NTM: variants seen among roughly 807,000 people sequenced by gnomAD.
The protein encoded by NTM is neurotrimin.
A neutral mutation model predicts 42.1 loss-of-function variants in NTM; 13 were observed. That is an observed-to-expected ratio of 0.31 (90% CI 0.20 to 0.49). NTM has a LOEUF of 0.49. NTM is among the 20% of genes least tolerant of loss of function. The pLI is 0.99. For missense variants in NTM, 373 were observed against 452.8 expected (o/e 0.82, Z 1.60); for synonymous variants, 187 against 179.2 (o/e 1.04, Z -0.35).
At chr11:131,501,974 C>G (rs1239846104) in intron 1 of NTM, among the ~76,000 whole-genome samples, 1 of 152,040 alleles carries the variant, frequency 6.6e-6, no homozygotes, top group Non-Finnish European at 1.5e-5. Flanking sequence ...GTTAGACTTC[C>G]AACAGAGATG....
intron 2 of NTM, among the ~76,000 whole-genome samples, chr11:132,088,515 A>C (rs1260430072): frequency 6.6e-6 from 1 of 152,110 alleles, no homozygotes; most frequent in Non-Finnish European, 1.5e-5. Flanking sequence ...AGCTGTCAAC[A>C]AAAAAAGGGG....
At chr11:131,662,037 C>CT (rs2068167430) in intron 1 of NTM, 1 of 152,178 alleles carries the variant, frequency 6.6e-6, no homozygotes, top group Non-Finnish European at 1.5e-5. Context: ...AACTTCAACA[C>CT]TATGTCTAAG....
chr11:132,335,449 T>G lies in NTM; in HGVS notation c.*303T>G, dbSNP rs190395491. ...TGCAAGCTGCATCGTGCAACCTCTT[T>G]GGTGCCAGTGTGGGCAAGGGCTCAG... On this transcript the variant is annotated 3_prime_UTR_variant, in exon 9 of 9. Coordinates refer to ENST00000683400, the MANE Select transcript of NTM (RefSeq NM_001352005.2). 4 of 326,242 alleles carry G rather than the reference T, an allele frequency of 1.2e-5. No individual in the cohort carries two copies. Among genetic ancestry groups the G allele is most frequent in the Non-Finnish European group, 2.3e-5 (4 of 172,708 alleles). The allele number at this position is 326,242 out of a possible 1,614,324, so 20.2% of individuals were successfully genotyped here. A position where few individuals can be genotyped will look rare whatever the true frequency, so the allele number is the denominator to read the frequency against.
At position 131,432,839 on chromosome 11, in the gene NTM, C is replaced by CTTTT. The variant is rs377739708; in HGVS notation, c.82+61980_82+61983dup. On this transcript the variant is annotated intron_variant, in intron 1 of 8. Coordinates refer to ENST00000683400, the MANE Select transcript of NTM (RefSeq NM_001352005.2). ...CTACAAAAGATGAAGATTTAGCATTCTTTTTTTTTTTTTTTTTTTTTTTTT... is the reference window on the plus strand; with the variant it reads ...CTACAAAAGATGAAGATTTAGCATTCTTTTTTTTTTTTTTTTTTTTTTTTTTTTT... Among the ~76,000 whole-genome samples, 158 of 68,704 alleles carry CTTTT rather than the reference C, an allele frequency of 2.3e-3. 7 individuals are homozygous for CTTTT. Among genetic ancestry groups the CTTTT allele is most frequent in the Non-Finnish European group, 2.8e-3 (108 of 38,818 alleles). The allele number at this position is 68,704 out of a possible 152,430, so 45.1% of individuals were successfully genotyped here. A position where few individuals can be genotyped will look rare whatever the true frequency, so the allele number is the denominator to read the frequency against.
Position 131,757,835 on chromosome 11 carries a change from A to C in NTM, c.83-153729A>C, listed in dbSNP as rs1485503826. On this transcript the variant is annotated intron_variant, in intron 1 of 8. Transcript: ENST00000683400. ...GGGATGAAGATTAGTAAAATGTGCC[A>C]GAATTGAGGAAAGAAACCCACCCCA... Among the ~76,000 whole-genome samples, 4 of 152,246 alleles carry C rather than the reference A, an allele frequency of 2.6e-5. 1 individual carries two copies. Among genetic ancestry groups the C allele is most frequent in the Admixed American group, 2.6e-4 (4 of 15,284 alleles).
At chr11:132,094,205 T>G (rs528611947) in intron 2 of NTM, among the ~76,000 whole-genome samples, 1 of 152,332 alleles carries the variant, frequency 6.6e-6, no homozygotes, top group Non-Finnish European at 1.5e-5. Context: ...TAGGCTGAAC[T>G]TAAAATATAT....
chr11:132,154,648 C>T (rs966845674), intron 3 of NTM, among the ~76,000 whole-genome samples: 2 of 152,116 alleles, frequency 1.3e-5, no homozygotes, highest in Admixed American at 1.3e-4. Flanking sequence ...AGAAGCAGTC[C>T]CCAGCCCTCA....
intron 1 of NTM, among the ~76,000 whole-genome samples, chr11:131,418,845 C>G (rs1947216321): frequency 6.6e-6 from 1 of 152,294 alleles, no homozygotes; most frequent in African/African-American, 2.4e-5. Flanking sequence ...TATGCAAAGT[C>G]TCAGAGCCAG....
intron 1 of NTM, among the ~76,000 whole-genome samples, chr11:131,428,206 A>G (rs1036945882): frequency 6.6e-6 from 1 of 152,106 alleles, no homozygotes; most frequent in African/African-American, 2.4e-5. Flanking sequence ...CATCTCAACC[A>G]CCTGGCGGCC....
Position 132,138,563 on chromosome 11 carries a change from A to AATCT in NTM, c.168-7664_168-7661dup, listed in dbSNP as rs6144568. Among the ~76,000 whole-genome samples, 430 of 127,166 alleles carry AATCT rather than the reference A, an allele frequency of 3.4e-3. 3 individuals are homozygous for AATCT. Among genetic ancestry groups the AATCT allele is most frequent in the East Asian group, 7.1e-3 (31 of 4,378 alleles). The allele number at this position is 127,166 out of a possible 152,430, so 83.4% of individuals were successfully genotyped here. A position where few individuals can be genotyped will look rare whatever the true frequency, so the allele number is the denominator to read the frequency against. ...TAGTCTGGGTTTTCCTTTTCAACAG[A>AATCT]ATCTATCTATCTATCTATCTATCTA... On this transcript the variant is annotated intron_variant, in intron 2 of 8. Coordinates refer to ENST00000683400, the MANE Select transcript of NTM (RefSeq NM_001352005.2).
At chr11:132,251,072 A>C (rs1045276859) in intron 4 of NTM, among the ~76,000 whole-genome samples, 2 of 152,206 alleles carry the variant, frequency 1.3e-5, no homozygotes, top group Admixed American at 1.3e-4. Context: ...AGGGTGTCTA[A>C]TTTCTGAGCT....
intron 1 of NTM, among the ~76,000 whole-genome samples, chr11:131,864,886 G>A (rs2046980566): frequency 1.3e-5 from 2 of 152,074 alleles, no homozygotes; most frequent in South Asian, 4.2e-4. Context: ...TCCCAGTTCT[G>A]CCCTGTAATG....
intron 1 of NTM, among the ~76,000 whole-genome samples, chr11:131,383,230 C>T (rs925817667): frequency 1.3e-5 from 2 of 152,174 alleles, no homozygotes; most frequent in African/African-American, 4.8e-5. Context: ...CAGGTGCTTA[C>T]TTACATTTAT....
At chr11:132,049,474 G>T (rs987643661) in intron 2 of NTM, among the ~76,000 whole-genome samples, 1 of 152,202 alleles carries the variant, frequency 6.6e-6, no homozygotes, top group Non-Finnish European at 1.5e-5. Context: ...CTGAAGAGCA[G>T]CCAGGAGGAA....
chr11:131,988,918 GAATGGAAAAACAGAGAAAGTAA>G (rs1325254040), intron 2 of NTM, among the ~76,000 whole-genome samples: 8 of 152,030 alleles, frequency 5.3e-5, no homozygotes, highest in Admixed American at 5.2e-4. Context: ...TATTATTTTG[GAATGGAAAAACAGAGAAAGTAA>G]AATATATAAA....
chr11:132,103,054 G>A (rs1431661537), intron 2 of NTM, among the ~76,000 whole-genome samples: 39 of 152,222 alleles, frequency 2.6e-4, no homozygotes, highest in Admixed American at 2.4e-3. Flanking sequence ...CCATAGAAAA[G>A]CAACTGATGC....
chr11:131,577,220 C>A (rs1387910433), intron 1 of NTM, among the ~76,000 whole-genome samples: 2 of 151,984 alleles, frequency 1.3e-5, no homozygotes, highest in Admixed American at 1.3e-4. Context: ...TTGAACATAC[C>A]TTGTAGCTAG....
In NTM at chr11:132,101,237, G is replaced by T. The variant is rs190299107; in HGVS notation, c.168-45045G>T. 2.1e-4 allele frequency among the ~76,000 whole-genome samples: 32 copies of T among 152,100 alleles called. No individual in the cohort carries two copies. The South Asian group carries it at 4.4e-3, about 21-fold the overall frequency. On this transcript the variant is annotated intron_variant, in intron 2 of 8. Transcript: ENST00000683400. ...TTGATCGTGCCAGTTGTGTTCCACC[G>T]CAGAGAGGCTGCTCACTTAGGCAAA...
At chr11:132,304,966 C>T (rs1185999739) in intron 4 of NTM, among the ~76,000 whole-genome samples, 2 of 152,248 alleles carry the variant, frequency 1.3e-5, no homozygotes, top group Non-Finnish European at 1.5e-5. Flanking sequence ...AGACCATACG[C>T]CTTCCCCAAA....
Sources: gnomAD v4.1 joint callset for allele counts (sites outside exome capture counted in the v4.1 genomes callset) on GRCh38, gnomAD v4.1.1 for gene constraint, MANE v1.5 for transcripts, NCBI Gene and HGNC (gene_info 2026-07-23, HGNC 2026-07-21) for gene names.